ZFYVE21: variants seen among roughly 807,000 people sequenced by gnomAD.
The protein encoded by ZFYVE21 is zinc finger FYVE domain-containing protein 21.
A neutral mutation model predicts 29.5 loss-of-function variants in ZFYVE21; 21 were observed. The ratio of observed to expected loss-of-function variants is 0.71; its 90% CI spans 0.50 to 1.02. The LOEUF (loss-of-function observed/expected upper bound fraction) is 1.02, where lower values mean the gene tolerates loss of function less well. Ranked by LOEUF, ZFYVE21 falls within the 50% of genes least tolerant of loss-of-function variation. ZFYVE21 has a pLI of 0.00. For missense variants in ZFYVE21, 326 were observed against 335.4 expected, an observed-to-expected ratio of 0.97 and a Z score of 0.22; for synonymous variants, 151 against 133.8, an observed-to-expected ratio of 1.13 and a Z score of -0.89.
At chr14:103,730,281 T>G in intron 5 of ZFYVE21, 1 of 191,248 alleles carries the variant, frequency 5.2e-6, no homozygotes, top group Non-Finnish European at 1.1e-5. Context: ...TGAGGTGAGA[T>G]GCCCAGGCCA....
At position 103,716,494 on chromosome 14, in the gene ZFYVE21, G is replaced by C. The variant is rs1477976473; in HGVS notation, c.138+515G>C. Among the ~76,000 whole-genome samples the C allele has an allele frequency of 6.6e-6, 1 of 152,242 alleles. No individual in the cohort carries two copies. Among genetic ancestry groups the C allele is most frequent in the African/African-American group, 2.4e-5 (1 of 41,464 alleles). On this transcript the variant is annotated intron_variant, in intron 1 of 6. Transcript: ENST00000311141. This position sits in a 1 kb window ranked among gnomAD's most constrained non-coding sequence, Gnocchi z 4.8. Reference sequence around the variant, plus strand: ...GGGGAGGCGTCGGTGCCGCGGGCGGGTGGCCGGTTCCGAAGCCACCTCCTG... The same window carrying C: ...GGGGAGGCGTCGGTGCCGCGGGCGGCTGGCCGGTTCCGAAGCCACCTCCTG...
At chr14:103,728,247 C>T (rs1389535513) in intron 3 of ZFYVE21, among the ~76,000 whole-genome samples, 6 of 152,196 alleles carry the variant, frequency 3.9e-5, no homozygotes, top group Non-Finnish European at 4.4e-5. Flanking sequence ...TGTGGCTCCT[C>T]GGAGGGGCCG....
At chr14:103,719,139 G>A (rs1415897435) in intron 1 of ZFYVE21, among the ~76,000 whole-genome samples, 1 of 152,172 alleles carries the variant, frequency 6.6e-6, no homozygotes, top group Non-Finnish European at 1.5e-5. Context: ...TTAGCTGGGC[G>A]TGGTGATGAG....
chr14:103,720,519 C>T (rs779241542), intron 1 of ZFYVE21, among the ~76,000 whole-genome samples: 20 of 152,218 alleles, frequency 1.3e-4, no homozygotes, highest in Admixed American at 2.6e-4. Flanking sequence ...AAAGGGAGGG[C>T]AGGCCTATGT....
At chr14:103,727,412 G>A (rs1033913480) in intron 2 of ZFYVE21, 3 of 386,266 alleles carry the variant, frequency 7.8e-6, no homozygotes, top group East Asian at 8.3e-5. Flanking sequence ...CTTTGCCCTC[G>A]TGAAGTGTCT....
rs1018474493 is a variant in ZFYVE21, at chr14:103,715,864, G to A, written c.23G>A (p.Arg8His). Residue 8 changes from arginine to histidine, a missense_variant, in exon 1 of 7, where the codon CGC (arginine) becomes CAC (histidine). Physicochemically the swap from Arg to His is conservative, Grantham distance 29. Transcript: ENST00000311141. ...GTCATGTCCTCCGAGGTGTCCGCGC[G>A]CCGCGACGCCAAGAAGCTGGTGCGC... The part of the protein sequence containing the change: MSSEVSA[R>H]RDAKKLVRSP... 2 of 1,426,900 alleles carry A rather than the reference G, an allele frequency of 1.4e-6. No homozygotes were observed. The highest frequency in any genetic ancestry group is 3.0e-5 in the African/African-American group (2 of 67,032). 88.4% of individuals were successfully genotyped at this position (1,426,900 alleles called of 1,614,324 possible).
Position 103,715,947 on chromosome 14 carries a change from C to A in ZFYVE21, c.106C>A (p.Leu36Met). Reference sequence around the variant, plus strand: ...CCGCGCCTTCGGAAGCCCGTTCGGCCTGGAGGAGCCGCAGTGGGTCCCGGA... The same window carrying A: ...CCGCGCCTTCGGAAGCCCGTTCGGCATGGAGGAGCCGCAGTGGGTCCCGGA... The part of the protein sequence containing the change: ...EHRAFGSPFG[L>M]EEPQWVPDKE... The change falls in exon 1 of 7, where the codon CTG becomes ATG. Residue 36 changes from leucine (L) to methionine (M), a missense_variant. Physicochemically the swap from Leu to Met is conservative, Grantham distance 15 (BLOSUM62 2). Coordinates refer to ENST00000311141, the MANE Select transcript of ZFYVE21 (RefSeq NM_024071.4). 1 of 1,412,884 alleles carries A rather than the reference C, an allele frequency of 7.1e-7. No homozygotes were observed. Among genetic ancestry groups the A allele is most frequent in the South Asian group, 1.4e-5 (1 of 72,010 alleles). 87.5% of individuals were successfully genotyped at this position (1,412,884 alleles called of 1,614,324 possible). A position where few individuals can be genotyped will look rare whatever the true frequency, so the allele number is the denominator to read the frequency against.
intron 5 of ZFYVE21, chr14:103,730,197 C>G (rs1450875873): frequency 3.5e-6 from 1 of 288,816 alleles, no homozygotes; most frequent in Non-Finnish European, 6.5e-6. Context: ...CCCCCGAGGC[C>G]TGCTGCTCCC....
At chr14:103,726,955 T>TTTTTGTTTTTTG in intron 2 of ZFYVE21, 113 bp downstream of exon 2, 1 of 1,216,030 alleles carries the variant, frequency 8.2e-7, no homozygotes, top group East Asian at 2.4e-5. Flanking sequence ...CTCGTTTTTT[T>TTTTTGTTTTTTG]TTTTTTTGAG....
chr14:103,728,879 G>A, intron 3 of ZFYVE21, 29 bp from the exon 4 acceptor site: 2 of 1,612,796 alleles, frequency 1.2e-6, no homozygotes, highest in Non-Finnish European at 1.7e-6. Context: ...AGCAGGCCCT[G>A]TTCTCACGTT....
chr14:103,716,868 T>TTG lies in ZFYVE21; in HGVS notation c.138+889_138+890insTG, dbSNP rs2083824780. Among the ~76,000 whole-genome samples the TTG allele has an allele frequency of 2.6e-5, 4 of 152,186 alleles. No homozygotes were observed. Among genetic ancestry groups the TTG allele is most frequent in the African/African-American group, 9.7e-5 (4 of 41,438 alleles). ...CCCACTGGCTGTGCGCTAACAGGTG[T>TTG]GTCCAGTTTCTGTTCTGTGGATTTT... On this transcript the variant is annotated intron_variant, in intron 1 of 6. Transcript: ENST00000311141. This position sits in a 1 kb window ranked among gnomAD's most constrained non-coding sequence, Gnocchi z 4.8.
intron 1 of ZFYVE21, 86 bp from the exon 2 acceptor site, chr14:103,726,706 C>T: frequency 6.4e-7 from 1 of 1,554,672 alleles, no homozygotes; most frequent in Non-Finnish European, 8.9e-7. Flanking sequence ...TGGCAGGGCC[C>T]AGCTTTCTCA....
chr14:103,718,299 T>TGCCC, intron 1 of ZFYVE21, among the ~76,000 whole-genome samples: 1 of 152,312 alleles, frequency 6.6e-6, no homozygotes, highest in Non-Finnish European at 1.5e-5. Flanking sequence ...TCCAGCCCAG[T>TGCCC]GCCCGTCTCC....
At chr14:103,720,280 G>T (rs2083861923) in intron 1 of ZFYVE21, among the ~76,000 whole-genome samples, 1 of 152,176 alleles carries the variant, frequency 6.6e-6, no homozygotes, top group African/African-American at 2.4e-5. Flanking sequence ...CTTTGACGTG[G>T]GTTCCTTTTC....
chr14:103,721,657 AG>A (rs1003590988), intron 1 of ZFYVE21, among the ~76,000 whole-genome samples: 57 of 152,222 alleles, frequency 3.7e-4, no homozygotes, highest in African/African-American at 1.3e-3. Context: ...GGGTGTTATT[AG>A]GGGCACTGCC....
chr14:103,727,276 CCT>C (rs2083936221), intron 2 of ZFYVE21: 6 of 359,132 alleles, frequency 1.7e-5, no homozygotes, highest in South Asian at 8.4e-5. Flanking sequence ...TCAGCCATGC[CCT>C]GTTTCCGTGG....
Position 103,733,152 on chromosome 14 carries a change from G to A in ZFYVE21, c.*134G>A, listed in dbSNP as rs1032436165. ...GAAATGCAACTCACTCATGTATTTG[G>A]AGAAACAGGAGTGTTCACTTATCTA... On this transcript the variant is annotated 3_prime_UTR_variant, in exon 7 of 7. Coordinates refer to ENST00000311141, the MANE Select transcript of ZFYVE21 (RefSeq NM_024071.4). The A allele has an allele frequency of 4.5e-6, 5 of 1,102,720 alleles. No homozygotes were observed. Among genetic ancestry groups the A allele is most frequent in the African/African-American group, 1.6e-5 (1 of 64,252 alleles). The allele number at this position is 1,102,720 out of a possible 1,614,324, so 68.3% of individuals were successfully genotyped here.
At chr14:103,730,272 G>A (rs762060565) in intron 5 of ZFYVE21, 14 of 195,352 alleles carry the variant, frequency 7.2e-5, no homozygotes, top group Admixed American at 2.3e-4. Context: ...CCTGGATGGT[G>A]AGGTGAGATG....
rs757311796 is a variant in ZFYVE21, at chr14:103,729,196, C to T, written c.526+14C>T. On this transcript the variant is annotated intron_variant, in intron 5 of 6. Transcript: ENST00000311141. ...TCCCTCCTGGAGGTAAATGCCAGCACGTCCTTTCCTAAGCCAGGAGGGTTT... is the reference window on the plus strand; with the variant it reads ...TCCCTCCTGGAGGTAAATGCCAGCATGTCCTTTCCTAAGCCAGGAGGGTTT... 3.5e-5 allele frequency: 57 copies of T among 1,613,616 alleles called. No homozygotes were observed. The Admixed American group carries it at 4.3e-4, about 12-fold the overall frequency.
Sources: gnomAD v4.1 joint callset for allele counts (sites outside exome capture counted in the v4.1 genomes callset) on GRCh38, gnomAD v4.1.1 for gene constraint, Gnocchi (gnomAD v3.1) non-coding constraint, MANE v1.5 for transcripts, NCBI Gene and HGNC (gene_info 2026-07-23, HGNC 2026-07-21) for gene names.